Variants in TET3 observed in about 807,000 individuals in gnomAD.
TET3 encodes the protein methylcytosine dioxygenase TET3.
TET3 carries 19 observed loss-of-function variants against 141.4 expected under a neutral mutation model. The ratio of observed to expected loss-of-function variants is 0.13; its 90% CI spans 0.09 to 0.20. The LOEUF (loss-of-function observed/expected upper bound fraction) is 0.20, where lower values mean the gene tolerates loss of function less well. Among genes scored for constraint, TET3 ranks in the 10% least tolerant of loss-of-function variants. The pLI, the probability that TET3 is intolerant of heterozygous loss-of-function variation, is 1.00. For synonymous variants in TET3, 1,043 were observed against 980.9 expected (o/e 1.06, Z -1.18); for missense variants, 1,874 against 2,356.9 (o/e 0.80, Z 4.24).
At chr2:74,051,768 A>G (rs1167496594) in intron 4 of TET3, among the ~76,000 whole-genome samples, 1 of 152,202 alleles carries the variant, frequency 6.6e-6, no homozygotes, top group African/African-American at 2.4e-5. Flanking sequence ...CAGATTAAGT[A>G]ATTTACCAAG....
chr2:74,128,019 A>G, the TET3 span, among the ~76,000 whole-genome samples: 1 of 152,346 alleles, frequency 6.6e-6, no homozygotes. Context: ...GAAAAGTTAT[A>G]AAGTTTTAGA....
chr2:74,078,431 T>C (rs1016123769), intron 5 of TET3, among the ~76,000 whole-genome samples: 15 of 152,144 alleles, frequency 9.9e-5, no homozygotes, highest in Non-Finnish European at 1.3e-4. Flanking sequence ...GCTTGCTTTT[T>C]CCCCCCCACT....
At chr2:74,007,857 C>A (rs1450955387) in intron 3 of TET3, among the ~76,000 whole-genome samples, 1 of 152,162 alleles carries the variant, frequency 6.6e-6, no homozygotes, top group South Asian at 2.1e-4. Flanking sequence ...AAAACTAAAA[C>A]GTGGTCCCAC....
intron 3 of TET3, among the ~76,000 whole-genome samples, chr2:74,014,432 G>A (rs918521962): frequency 6.6e-6 from 1 of 152,120 alleles, no homozygotes; most frequent in Non-Finnish European, 1.5e-5. Context: ...GAGTCCCTGT[G>A]CATGGCTTGG....
chr2:74,003,184 G>C lies in TET3; in HGVS notation c.360+18G>C, dbSNP rs1177218920. ...CTGTCAAGGTACCTTGTGTGTGTGC[G>C]TGCGTGTGTGTGCGTGTGTGTGGTG... On this transcript the variant is annotated intron_variant, in intron 3 of 11. Coordinates refer to ENST00000409262, the MANE Select transcript of TET3 (RefSeq NM_001287491.2). 8.1e-7 allele frequency: 1 copy of C among 1,232,338 alleles called. No homozygotes were observed. The highest frequency in any genetic ancestry group is 1.1e-6 in the Non-Finnish European group (1 of 893,502). The allele number at this position is 1,232,338 out of a possible 1,614,324, so 76.3% of individuals were successfully genotyped here.
At chr2:74,119,212 G>C in the TET3 span, among the ~76,000 whole-genome samples, 2 of 152,122 alleles carry the variant, frequency 1.3e-5, no homozygotes, top group East Asian at 3.9e-4. Flanking sequence ...AATTAGCTGG[G>C]TATGGTGTCA....
chr2:74,118,796 TTTGTC>T, the TET3 span, among the ~76,000 whole-genome samples: 2 of 152,208 alleles, frequency 1.3e-5, no homozygotes, highest in African/African-American at 4.8e-5. Flanking sequence ...TGTAAATACT[TTTGTC>T]TGTATGTCCT....
Position 74,106,777 on chromosome 2 carries a change from C to A in TET3, c.*4601C>A, listed in dbSNP as rs1432494703. The A allele has an allele frequency of 2.0e-5, 3 of 153,482 alleles. No homozygotes were observed. Among genetic ancestry groups the A allele is most frequent in the Non-Finnish European group, 4.4e-5 (3 of 68,046 alleles). 9.5% of individuals were successfully genotyped at this position (153,482 alleles called of 1,614,324 possible). A position where few individuals can be genotyped will look rare whatever the true frequency, so the allele number is the denominator to read the frequency against. On this transcript the variant is annotated 3_prime_UTR_variant, in exon 12 of 12. Transcript: ENST00000409262. ...ATACCTCAAAAACAGGACATCATGA[C>A]AACTTCAGTAAAGTAGATTCCATGA...
Position 73,987,320 on chromosome 2 carries a change from A to G in TET3, c.303+614A>G, listed in dbSNP as rs115061566. Among the ~76,000 whole-genome samples, 1,362 of 152,302 alleles carry G rather than the reference A, an allele frequency of 8.9e-3. 12 individuals carry two copies. Among genetic ancestry groups the G allele is most frequent in the African/African-American group, 0.022 (930 of 41,546 alleles). ...ATTCCTTGGCAGGTAGTAGGCACTC[A>G]GATACTAATTGCATGAATGGATGAC... is the stretch of plus-strand genomic sequence containing the variant. On this transcript the variant is annotated intron_variant, in intron 2 of 11. Coordinates refer to ENST00000409262, the MANE Select transcript of TET3 (RefSeq NM_001287491.2).
chr2:74,131,171 G>T, the TET3 span, among the ~76,000 whole-genome samples: 20 of 152,152 alleles, frequency 1.3e-4, no homozygotes, highest in Admixed American at 1.2e-3. Flanking sequence ...CAGGTGGTTC[G>T]AATTTGCAGC....
chr2:74,085,990 A>ATG (rs913950535), intron 6 of TET3, among the ~76,000 whole-genome samples: 10 of 152,176 alleles, frequency 6.6e-5, no homozygotes, highest in African/African-American at 2.4e-4. Context: ...TGCTTGCATT[A>ATG]TGTCAATGGT....
intron 3 of TET3, among the ~76,000 whole-genome samples, chr2:74,043,819 G>A (rs558334780): frequency 6.6e-6 from 1 of 152,150 alleles, no homozygotes; most frequent in East Asian, 1.9e-4. Context: ...GCCCATGATG[G>A]CCTTGTCTGA....
In TET3 at chr2:74,031,064, A is replaced by T. The variant is rs1013316670; in HGVS notation, c.361-15214A>T. On this transcript the variant is annotated intron_variant, in intron 3 of 11. Transcript: ENST00000409262. The stretch of plus-strand genomic sequence containing the variant: ...TGGGCTTAAGTTGCATTCAAGTGGA[A>T]GTGTGTCTGGTAGCTGGAAAGCAGT... Among the ~76,000 whole-genome samples, 40 of 152,030 alleles carry T rather than the reference A, an allele frequency of 2.6e-4. 1 individual carries two copies. The highest frequency in any genetic ancestry group is 6.2e-4 in the South Asian group (3 of 4,820).
intron 5 of TET3, among the ~76,000 whole-genome samples, chr2:74,077,163 C>T (rs2103969172): frequency 6.6e-6 from 1 of 152,324 alleles, no homozygotes; most frequent in South Asian, 2.1e-4. Context: ...TTTGGGGGAA[C>T]TGGTCTCATT....
the TET3 span, among the ~76,000 whole-genome samples, chr2:74,129,630 C>CAA: frequency 8.8e-4 from 128 of 145,064 alleles, no homozygotes; most frequent in Middle Eastern, 3.5e-3. Flanking sequence ...GACCCTGTCT[C>CAA]AAAAAAAAAA....
intron 3 of TET3, among the ~76,000 whole-genome samples, chr2:74,017,739 T>C (rs1443729684): frequency 6.6e-6 from 1 of 152,206 alleles, no homozygotes; most frequent in East Asian, 1.9e-4. Flanking sequence ...TTTCAATTCT[T>C]TTGGACGTAT....
chr2:74,053,833 C>T (rs1688075188), intron 4 of TET3, among the ~76,000 whole-genome samples: 1 of 152,240 alleles, frequency 6.6e-6, no homozygotes, highest in Admixed American at 6.5e-5. Flanking sequence ...ATGTATCACA[C>T]AAACCCCCCA....
chr2:74,110,309 T>C (rs1157620900), downstream of TET3, among the ~76,000 whole-genome samples: 1 of 152,194 alleles, frequency 6.6e-6, no homozygotes, highest in Non-Finnish European at 1.5e-5. Context: ...AATCTTAATT[T>C]TGTCAAATAT....
At chr2:74,122,511 A>ATATTTTT in the TET3 span, 7 of 47,554 alleles carry the variant, frequency 1.5e-4, no homozygotes, top group African/African-American at 3.2e-4. Flanking sequence ...ATATATATAT[A>ATATTTTT]TTTTTTTTTT....
Sources: gnomAD v4.1 joint callset for allele counts (sites outside exome capture counted in the v4.1 genomes callset) on GRCh38, gnomAD v4.1.1 for gene constraint, MANE v1.5 for transcripts, NCBI Gene and HGNC (gene_info 2026-07-23, HGNC 2026-07-21) for gene names.